Variants in SYT16 observed in about 807,000 individuals in gnomAD.
SYT16 encodes the protein synaptotagmin 16.
Under a neutral mutation model 61.4 loss-of-function variants are expected in SYT16, and 42 were observed. That is an observed-to-expected ratio of 0.68 (90% CI 0.53 to 0.89). The LOEUF is 0.89. Among genes scored for constraint, SYT16 ranks in the 40% least tolerant of loss-of-function variants. SYT16 has a pLI of 0.00. For missense variants in SYT16, 804 were observed against 807.3 expected, an observed-to-expected ratio of 1.00 and a Z score of 0.05; for synonymous variants, 314 against 302.3, an observed-to-expected ratio of 1.04 and a Z score of -0.40.
chr14:61,898,638 C>A (rs2048407703), intron 1 of SYT16, among the ~76,000 whole-genome samples: 1 of 152,230 alleles, frequency 6.6e-6, no homozygotes, highest in Non-Finnish European at 1.5e-5. Flanking sequence ...GTTCATGTGA[C>A]TCCTTCCAGT....
intron 1 of SYT16, among the ~76,000 whole-genome samples, chr14:61,879,607 C>T (rs764929982): frequency 5.9e-5 from 9 of 152,204 alleles, no homozygotes; most frequent in Non-Finnish European, 1.0e-4. Flanking sequence ...TGCTCTCCGA[C>T]TCCTGTCCCA....
chr14:62,053,715 C>A (rs772028641), intron 3 of SYT16, among the ~76,000 whole-genome samples: 2 of 151,994 alleles, frequency 1.3e-5, no homozygotes, highest in African/African-American at 4.8e-5. Flanking sequence ...AGGGGAGTCA[C>A]GACTACATAA....
intron 1 of SYT16, among the ~76,000 whole-genome samples, chr14:61,932,486 C>T (rs910201202): frequency 2.0e-5 from 3 of 152,054 alleles, no homozygotes; most frequent in Non-Finnish European, 2.9e-5. Flanking sequence ...TGAGAGAGAG[C>T]GTGTGAAGGA....
rs2057442486 is a variant in SYT16, at chr14:62,102,599, C to G, written c.*1892C>G. 2 of 152,112 alleles carry G rather than the reference C, an allele frequency of 1.3e-5. No homozygotes were observed. Among genetic ancestry groups the G allele is most frequent in the African/African-American group, 4.8e-5 (2 of 41,412 alleles). The allele number at this position is 152,112 out of a possible 1,614,324, so 9.4% of individuals were successfully genotyped here. A position where few individuals can be genotyped will look rare whatever the true frequency, so the allele number is the denominator to read the frequency against. On this transcript the variant is annotated 3_prime_UTR_variant, in exon 8 of 8. Transcript: ENST00000683842. ...CTGAGTGCGATTGATTAAGTAGCAG[C>G]ACAAAGAAGTGGCTTTTCACATCTC...
chr14:61,987,113 G>A (rs566371419), intron 2 of SYT16, among the ~76,000 whole-genome samples: 113 of 152,206 alleles, frequency 7.4e-4, no homozygotes, highest in Admixed American at 2.7e-3. Flanking sequence ...GGATTATGGC[G>A]GGGGGAAAAC....
chr14:61,918,313 A>G lies in SYT16; in HGVS notation c.-324-51819A>G, dbSNP rs139625233. 5.7e-3 allele frequency among the ~76,000 whole-genome samples: 870 copies of G among 152,264 alleles called. 6 individuals carry two copies. Among genetic ancestry groups the G allele is most frequent in the African/African-American group, 0.014 (602 of 41,544 alleles). ...TTAATCATATGGGCGGAAATATGGC[A>G]TTCTGGAACCAAAGCATCCCCCCAG... On this transcript the variant is annotated intron_variant, in intron 1 of 7. Coordinates refer to ENST00000683842, the MANE Select transcript of SYT16 (RefSeq NM_001367656.1).
chr14:62,064,526 T>A (rs1233185621), intron 3 of SYT16, among the ~76,000 whole-genome samples: 1 of 152,166 alleles, frequency 6.6e-6, no homozygotes, highest in East Asian at 1.9e-4. Context: ...TGAAAATCTT[T>A]TCCAGCCCAA....
chr14:61,996,998 C>T (rs550559317), intron 3 of SYT16, among the ~76,000 whole-genome samples: 4 of 152,070 alleles, frequency 2.6e-5, no homozygotes, highest in African/African-American at 9.6e-5. Context: ...TTCACTGAGA[C>T]GTGATGTGAG....
chr14:61,928,306 G>A (rs1415860756), intron 1 of SYT16, among the ~76,000 whole-genome samples: 1 of 152,162 alleles, frequency 6.6e-6, no homozygotes, highest in African/African-American at 2.4e-5. Flanking sequence ...GACATCAGGG[G>A]CACTTACTTA....
intron 1 of SYT16, among the ~76,000 whole-genome samples, chr14:61,866,359 T>G (rs561773793): frequency 5.3e-5 from 8 of 152,290 alleles, no homozygotes; most frequent in Non-Finnish European, 1.2e-4. Context: ...TTTTCCATAG[T>G]GGCTGTACCA....
chr14:61,827,000 C>T (rs1048230784), intron 1 of SYT16, among the ~76,000 whole-genome samples: 1 of 151,948 alleles, frequency 6.6e-6, no homozygotes, highest in Non-Finnish European at 1.5e-5. Context: ...AAATTAGAGT[C>T]CCACCCTTAT....
intron 3 of SYT16, among the ~76,000 whole-genome samples, chr14:62,052,968 T>C (rs2055378427): frequency 6.6e-6 from 1 of 152,192 alleles, no homozygotes; most frequent in Admixed American, 6.5e-5. Context: ...TTCTGAGCAG[T>C]GGGGTGCTGC....
chr14:61,974,668 A>G (rs1260999803), intron 2 of SYT16, among the ~76,000 whole-genome samples: 1 of 152,186 alleles, frequency 6.6e-6, no homozygotes, highest in Admixed American at 6.5e-5. Context: ...CCAAAGACTG[A>G]TACTTTATCC....
chr14:61,905,159 A>G (rs2048657009), intron 1 of SYT16, among the ~76,000 whole-genome samples: 1 of 152,222 alleles, frequency 6.6e-6, no homozygotes, highest in South Asian at 2.1e-4. Context: ...CATAAAGATG[A>G]GTGAAACCCA....
At position 61,994,813 on chromosome 14, in the gene SYT16, T is replaced by C. The variant is rs1373595218; in HGVS notation, c.-144-1063T>C. 2.0e-5 allele frequency among the ~76,000 whole-genome samples: 3 copies of C among 152,214 alleles called. No individual in the cohort carries two copies. In the East Asian group the frequency reaches 5.8e-4, roughly 29 times the overall value. The stretch of plus-strand genomic sequence containing the variant: ...TTAATAGATAATCAATATTTGTTTA[T>C]TGAATAAGTCAATGCATCCATGAAT... On this transcript the variant is annotated intron_variant, in intron 2 of 7. Transcript: ENST00000683842.
At chr14:62,066,078 T>C (rs1271699463) in intron 3 of SYT16, among the ~76,000 whole-genome samples, 2 of 152,224 alleles carry the variant, frequency 1.3e-5, no homozygotes, top group Non-Finnish European at 2.9e-5. Context: ...CAAATGTTGA[T>C]GCATGTCCAG....
chr14:62,075,427 C>A (rs1291964966), intron 5 of SYT16, 36 bp downstream of exon 5: 1 of 1,565,176 alleles, frequency 6.4e-7, no homozygotes, highest in Non-Finnish European at 8.7e-7. Context: ...CATTGGTTCC[C>A]TTTCCCCTTC....
chr14:61,910,860 G>C (rs751647800), intron 1 of SYT16, among the ~76,000 whole-genome samples: 15 of 152,156 alleles, frequency 9.9e-5, no homozygotes, highest in Admixed American at 2.6e-4. Flanking sequence ...TCCAAAGCTT[G>C]AAACTAGCTC....
At chr14:62,057,112 A>G (rs1209259989) in intron 3 of SYT16, among the ~76,000 whole-genome samples, 4 of 152,292 alleles carry the variant, frequency 2.6e-5, no homozygotes, top group Non-Finnish European at 5.9e-5. Flanking sequence ...TATTCTGGCC[A>G]TGGTGAAAGC....
Sources: gnomAD v4.1 joint callset for allele counts (sites outside exome capture counted in the v4.1 genomes callset) on GRCh38, gnomAD v4.1.1 for gene constraint, MANE v1.5 for transcripts, NCBI Gene and HGNC (gene_info 2026-07-23, HGNC 2026-07-21) for gene names.